Variants in DIO1 observed in about 807,000 individuals in gnomAD.
DIO1 encodes type I iodothyronine deiodinase.
In DIO1, 17 loss-of-function variants were observed where a neutral mutation model predicts 25.9. The ratio of observed to expected loss-of-function variants is 0.66; its 90% CI spans 0.45 to 0.98. DIO1 has a LOEUF of 0.98. Among genes scored for constraint, DIO1 ranks in the 50% least tolerant of loss-of-function variants. The pLI, the probability that DIO1 is intolerant of heterozygous loss-of-function variation, is 0.00. For missense variants in DIO1, 270 were observed against 310.4 expected (o/e 0.87, Z 0.98); for synonymous variants, 115 against 114.0 (o/e 1.01, Z -0.05).
chr1:53,907,865 C>A (rs1242155457), intron 3 of DIO1, among the ~76,000 whole-genome samples: 1 of 138,050 alleles, frequency 7.2e-6, no homozygotes, highest in East Asian at 2.1e-4. Context: ...GAGCAGAGAT[C>A]GCACCATTGC....
intron 1 of DIO1, among the ~76,000 whole-genome samples, chr1:53,897,703 T>G (rs949008131): frequency 6.6e-6 from 1 of 151,566 alleles, no homozygotes; most frequent in African/African-American, 2.4e-5. Context: ...TATTTAAAAA[T>G]TAGTGGGATG....
intron 1 of DIO1, among the ~76,000 whole-genome samples, chr1:53,901,031 T>C (rs1329309007): frequency 2.2e-5 from 3 of 138,284 alleles, no homozygotes; most frequent in African/African-American, 8.0e-5. Flanking sequence ...GGTCTCACTG[T>C]GTTGCCCAGG....
At chr1:53,907,912 G>GA (rs1557626500) in intron 3 of DIO1, among the ~76,000 whole-genome samples, 5 of 71,854 alleles carry the variant, frequency 7.0e-5, no homozygotes, top group Non-Finnish European at 1.0e-4. Context: ...ACTCTGTCTC[G>GA]GAAAAAAAAA....
intron 3 of DIO1, 150 bp from the exon 4 acceptor site, chr1:53,909,781 A>C: frequency 1.4e-6 from 1 of 709,720 alleles, no homozygotes; most frequent in Non-Finnish European, 2.5e-6. Flanking sequence ...CAACCACCTC[A>C]CGGTTGCATC....
intron 3 of DIO1, 71 bp from the exon 4 acceptor site, chr1:53,909,860 C>G (rs913795569): frequency 6.7e-7 from 1 of 1,490,324 alleles, no homozygotes; most frequent in African/African-American, 1.4e-5. Flanking sequence ...CAACTAACCT[C>G]CAGACCTACA....
rs576139717 is a variant in DIO1 at position 53,903,678 on chromosome 1, G to A, written c.338-988G>A. On this transcript the variant is annotated intron_variant, in intron 1 of 3. Coordinates refer to ENST00000361921, the MANE Select transcript of DIO1 (RefSeq NM_000792.7). ...AGCCTGGCCAACATAGTGAAACCCC[G>A]TCTCTACTAAAAATACAAAAATTAG... Among the ~76,000 whole-genome samples the A allele has an allele frequency of 2.0e-4, 31 of 151,614 alleles. No individual in the cohort carries two copies. The South Asian group carries it at 2.9e-3, about 14-fold the overall frequency.
chr1:53,897,474 T>TTAAAA (rs1030737170), intron 1 of DIO1, among the ~76,000 whole-genome samples: 12 of 148,240 alleles, frequency 8.1e-5, no homozygotes, highest in South Asian at 2.2e-4. Flanking sequence ...AGACTCTGTC[T>TTAAAA]TAAAATAAAA....
At position 53,894,600 on chromosome 1, in the gene DIO1, G is replaced by T. The variant is rs984281967; in HGVS notation, c.337+53G>T. On this transcript the variant is annotated intron_variant, in intron 1 of 3. Coordinates refer to ENST00000361921, the MANE Select transcript of DIO1 (RefSeq NM_000792.7). The surrounding 1 kb of genome is among the most constrained non-coding windows in gnomAD (Gnocchi z 4.9). The stretch of plus-strand genomic sequence containing the variant: ...GTGCTTGAAATAGCAGTGGTAGAGG[G>T]GGATGAAGAGATGGGTTGGAAAGTC... 2 of 1,506,376 alleles carry T rather than the reference G, an allele frequency of 1.3e-6. No individual in the cohort carries two copies. The highest frequency in any genetic ancestry group is 1.4e-5 in the African/African-American group (1 of 72,346). The allele number at this position is 1,506,376 out of a possible 1,614,324, so 93.3% of individuals were successfully genotyped here. A position where few individuals can be genotyped will look rare whatever the true frequency, so the allele number is the denominator to read the frequency against.
chr1:53,907,115 G>A (rs538494114), intron 3 of DIO1, among the ~76,000 whole-genome samples: 1 of 152,322 alleles, frequency 6.6e-6, no homozygotes, highest in Admixed American at 6.5e-5. Context: ...CAGGGCTGGC[G>A]GGGTAGAAGT....
Position 53,910,410 on chromosome 1 carries a change from C to T in DIO1, c.*411C>T, listed in dbSNP as rs1651890658. ...ATACCAAGTAATTCAAGCTGGCATTCCTTCTATTAGGGAAATTCATTTTAC... is the reference window on the plus strand; with the variant it reads ...ATACCAAGTAATTCAAGCTGGCATTTCTTCTATTAGGGAAATTCATTTTAC... On this transcript the variant is annotated 3_prime_UTR_variant, in exon 4 of 4. Transcript: ENST00000361921. The T allele has an allele frequency of 6.0e-6, 1 of 167,932 alleles. No homozygotes were observed. Among genetic ancestry groups the T allele is most frequent in the Admixed American group, 5.7e-5 (1 of 17,480 alleles). 10.4% of individuals were successfully genotyped at this position (167,932 alleles called of 1,614,324 possible).
intron 3 of DIO1, among the ~76,000 whole-genome samples, chr1:53,906,662 C>T (rs945470762): frequency 6.9e-6 from 1 of 144,388 alleles, no homozygotes. Flanking sequence ...TTCTTTCTTT[C>T]TTTTTTTTTT....
chr1:53,909,787 G>A (rs1204534705), intron 3 of DIO1, 144 bp from the exon 4 acceptor site: 16 of 728,066 alleles, frequency 2.2e-5, no homozygotes, highest in Admixed American at 4.1e-5. Flanking sequence ...CCTCACGGTT[G>A]CATCTGCCAT....
At chr1:53,909,111 AAAAG>A (rs1306772460) in intron 3 of DIO1, among the ~76,000 whole-genome samples, 4 of 144,408 alleles carry the variant, frequency 2.8e-5, no homozygotes, top group South Asian at 2.2e-4. Context: ...AAAGAAAAGA[AAAAG>A]AAAGTTCACT....
chr1:53,896,209 TC>T (rs1651065371), intron 1 of DIO1, among the ~76,000 whole-genome samples: 5 of 139,494 alleles, frequency 3.6e-5, no homozygotes, highest in African/African-American at 1.3e-4. Flanking sequence ...TTTCTTTTTC[TC>T]TTTTTTTTTT....
intron 1 of DIO1, among the ~76,000 whole-genome samples, chr1:53,902,051 A>T (rs59400674): frequency 2.7e-5 from 4 of 149,252 alleles, no homozygotes; most frequent in African/African-American, 1.0e-4. Flanking sequence ...TAACACTCCA[A>T]CCCTTCTCTT....
chr1:53,894,197 C>T lies in DIO1; in HGVS notation c.-14C>T. On this transcript the variant is annotated 5_prime_UTR_variant, in exon 1 of 4. Coordinates refer to ENST00000361921, the MANE Select transcript of DIO1 (RefSeq NM_000792.7). The surrounding 1 kb of genome is among the most constrained non-coding windows in gnomAD (Gnocchi z 4.9). ...CTGCCCATAGAACTCAGAGCTTACT[C>T]TGGCTTTGCCGAGATGGGGCTGCCC... The T allele has an allele frequency of 6.2e-7, 1 of 1,606,288 alleles. No individual in the cohort carries two copies. Among genetic ancestry groups the T allele is most frequent in the Non-Finnish European group, 8.5e-7 (1 of 1,175,376 alleles).
intron 2 of DIO1, 71 bp downstream of exon 2, chr1:53,904,880 A>C: frequency 6.6e-7 from 1 of 1,524,232 alleles, no homozygotes; most frequent in South Asian, 1.3e-5. Flanking sequence ...CCCAGGCCCC[A>C]TCTCAAGGTT....
intron 1 of DIO1, among the ~76,000 whole-genome samples, chr1:53,896,210 CTTTTTTTTTTTTTT>C (rs199555423): frequency 3.9e-5 from 4 of 103,584 alleles, no homozygotes; most frequent in Admixed American, 3.4e-4. Flanking sequence ...TTCTTTTTCT[CTTTTTTTTTTTTTT>C]TTTTTTTTTT....
chr1:53,900,823 T>C (rs192932800), intron 1 of DIO1, among the ~76,000 whole-genome samples: 1 of 151,904 alleles, frequency 6.6e-6, no homozygotes, highest in South Asian at 2.1e-4. Flanking sequence ...TTCTCTCTTT[T>C]TCTCTTATAG....
Sources: gnomAD v4.1 joint callset for allele counts (sites outside exome capture counted in the v4.1 genomes callset) on GRCh38, gnomAD v4.1.1 for gene constraint, Gnocchi (gnomAD v3.1) non-coding constraint, MANE v1.5 for transcripts, NCBI Gene and HGNC (gene_info 2026-07-23, HGNC 2026-07-21) for gene names.